LRRN1: variants seen among roughly 807,000 people sequenced by gnomAD.
LRRN1 encodes leucine-rich repeat neuronal protein 1.
LRRN1 carries 14 observed loss-of-function variants against 45.8 expected under a neutral mutation model. That is an observed-to-expected ratio of 0.31 (90% confidence interval 0.20 to 0.48). The LOEUF (loss-of-function observed/expected upper bound fraction) is 0.48. Among genes scored for constraint, LRRN1 ranks in the 20% least tolerant of loss-of-function variants. LRRN1 has a pLI of 0.99. For synonymous variants in LRRN1, 359 were observed against 330.1 expected, an observed-to-expected ratio of 1.09 and a Z score of -0.95; for missense variants, 789 against 874.2, an observed-to-expected ratio of 0.90 and a Z score of 1.23.
intron 1 of LRRN1, among the ~76,000 whole-genome samples, chr3:3,833,599 C>G (rs1693418938): frequency 6.6e-6 from 1 of 152,136 alleles, no homozygotes; most frequent in Non-Finnish European, 1.5e-5. Context: ...TCCAGGGGCC[C>G]ATCGGGATTT....
At chr3:3,809,013 T>G (rs539946227) in intron 1 of LRRN1, among the ~76,000 whole-genome samples, 4 of 152,166 alleles carry the variant, frequency 2.6e-5, no homozygotes, top group Non-Finnish European at 4.4e-5. Context: ...TTGTCTAAAT[T>G]TAGGTGTCTA....
intron 1 of LRRN1, among the ~76,000 whole-genome samples, chr3:3,837,192 C>T (rs1693539032): frequency 6.6e-6 from 1 of 152,168 alleles, no homozygotes. Context: ...GCAGGTGGCC[C>T]TGAGTGTGCA....
intron 1 of LRRN1, among the ~76,000 whole-genome samples, chr3:3,822,467 A>G (rs1454039186): frequency 2.6e-5 from 4 of 152,222 alleles, no homozygotes; most frequent in Admixed American, 2.6e-4. Context: ...AGATGGATAT[A>G]TAAATGTTTT....
chr3:3,841,529 G>GT (rs369896943), intron 1 of LRRN1, among the ~76,000 whole-genome samples: 4,533 of 151,716 alleles, frequency 0.03, 251 homozygotes, highest in African/African-American at 0.11. Flanking sequence ...CTTTTCTTTT[G>GT]TTTTTTTAAG....
At chr3:3,836,012 C>T (rs1397427625) in intron 1 of LRRN1, among the ~76,000 whole-genome samples, 1 of 152,064 alleles carries the variant, frequency 6.6e-6, no homozygotes, top group Non-Finnish European at 1.5e-5. Context: ...TGGAACATCA[C>T]CCTGGTAATT....
At chr3:3,810,421 T>C (rs894747403) in intron 1 of LRRN1, among the ~76,000 whole-genome samples, 1 of 152,246 alleles carries the variant, frequency 6.6e-6, no homozygotes, top group African/African-American at 2.4e-5. Flanking sequence ...TTGTTACTGT[T>C]AATTCTTAGT....
chr3:3,802,754 A>T (rs1692681370), intron 1 of LRRN1, among the ~76,000 whole-genome samples: 1 of 152,226 alleles, frequency 6.6e-6, no homozygotes, highest in Non-Finnish European at 1.5e-5. Context: ...TACACGCCTG[A>T]TGTCTTCCTG....
At chr3:3,822,219 A>G (rs1489686511) in intron 1 of LRRN1, among the ~76,000 whole-genome samples, 3 of 152,220 alleles carry the variant, frequency 2.0e-5, no homozygotes, top group African/African-American at 7.2e-5. Context: ...TAATTTATGT[A>G]AATGATTCAA....
intron 1 of LRRN1, among the ~76,000 whole-genome samples, chr3:3,826,730 G>A (rs1025221627): frequency 6.6e-6 from 1 of 152,096 alleles, no homozygotes; most frequent in Non-Finnish European, 1.5e-5. Context: ...TTTGGAAAAT[G>A]GTTGGAGAAA....
intron 1 of LRRN1, among the ~76,000 whole-genome samples, chr3:3,842,929 C>T (rs1224952413): frequency 6.8e-6 from 1 of 146,248 alleles, no homozygotes; most frequent in Non-Finnish European, 1.5e-5. Context: ...TACCTGACTT[C>T]AGAGGATTTT....
At chr3:3,826,589 C>T (rs1229050882) in intron 1 of LRRN1, among the ~76,000 whole-genome samples, 2 of 152,062 alleles carry the variant, frequency 1.3e-5, no homozygotes, top group Non-Finnish European at 2.9e-5. Flanking sequence ...CAAGGGGATA[C>T]ACTATATTGT....
chr3:3,799,862 G>A lies in LRRN1; in HGVS notation c.-336G>A. 6.1e-6 allele frequency: 1 copy of A among 163,962 alleles called. No homozygotes were observed. The highest frequency in any genetic ancestry group is 1.3e-5 in the Non-Finnish European group (1 of 76,102). The allele number at this position is 163,962 out of a possible 1,614,324, so 10.2% of individuals were successfully genotyped here. On this transcript the variant is annotated 5_prime_UTR_variant, in exon 1 of 2. Coordinates refer to ENST00000319331, the MANE Select transcript of LRRN1 (RefSeq NM_020873.7). ...TCCTCCTGCTGCTGCTGCCGCCGCC[G>A]CCGCCGTGGGTGCCGGGTCCGCGCG... is the stretch of plus-strand genomic sequence containing the variant.
chr3:3,848,120 A>C lies in LRRN1; in HGVS notation c.*1328A>C, dbSNP rs1693814821. Among the ~76,000 whole-genome samples the C allele has an allele frequency of 3.3e-5, 5 of 152,174 alleles. No individual in the cohort carries two copies. Among genetic ancestry groups the C allele is most frequent in the Admixed American group, 3.3e-4 (5 of 15,280 alleles). On this transcript the variant is annotated 3_prime_UTR_variant, in exon 2 of 2. Coordinates refer to ENST00000319331, the MANE Select transcript of LRRN1 (RefSeq NM_020873.7). Reference sequence around the variant, plus strand: ...AGTGTCACAAACTGTATGACATGTTATTTCTTTTTAACAGTTGTCTATATG... The same window carrying C: ...AGTGTCACAAACTGTATGACATGTTCTTTCTTTTTAACAGTTGTCTATATG...
chr3:3,828,058 A>G (rs1693264146), intron 1 of LRRN1, among the ~76,000 whole-genome samples: 2 of 151,754 alleles, frequency 1.3e-5, no homozygotes, highest in African/African-American at 2.4e-5. Flanking sequence ...CAGAGGTTCA[A>G]AAATAAGTAT....
At chr3:3,823,701 T>C (rs1693154599) in intron 1 of LRRN1, among the ~76,000 whole-genome samples, 1 of 152,158 alleles carries the variant, frequency 6.6e-6, no homozygotes, top group Non-Finnish European at 1.5e-5. Flanking sequence ...GAGTCATTTG[T>C]CCCAGGTGGC....
intron 1 of LRRN1, among the ~76,000 whole-genome samples, chr3:3,812,844 C>A (rs997178607): frequency 6.7e-6 from 1 of 149,408 alleles, no homozygotes; most frequent in Non-Finnish European, 1.5e-5. Context: ...GATGTAGCAC[C>A]ACAAGTTTGT....
intron 1 of LRRN1, among the ~76,000 whole-genome samples, chr3:3,829,493 A>G (rs1360448094): frequency 1.3e-5 from 2 of 152,164 alleles, no homozygotes; most frequent in African/African-American, 2.4e-5. Flanking sequence ...TAGCTATGGG[A>G]CAAACATTAC....
intron 1 of LRRN1, among the ~76,000 whole-genome samples, chr3:3,833,752 G>A (rs6802168): frequency 0.67 from 101,199 of 152,068 alleles, 34,878 homozygotes; most frequent in Non-Finnish European, 0.77. Flanking sequence ...AGACAAAGGC[G>A]GAAAGGCCTA....
At chr3:3,800,731 G>C (rs950938805) in intron 1 of LRRN1, 2 of 151,362 alleles carry the variant, frequency 1.3e-5, no homozygotes, top group Admixed American at 6.6e-5. Flanking sequence ...CTCCACGCGG[G>C]GACAGACCTC....
Sources: allele counts gnomAD v4.1 joint callset (sites outside exome capture counted in the v4.1 genomes callset), GRCh38; gene constraint gnomAD v4.1.1; transcripts MANE v1.5; gene names NCBI Gene and HGNC (gene_info 2026-07-23, HGNC 2026-07-21).